MOB3B: variants seen among roughly 807,000 people sequenced by gnomAD.
MOB3B encodes the protein MOB kinase activator 3B, also known as MOB kinase activator-like 2B.
A neutral mutation model predicts 18.7 loss-of-function variants in MOB3B; 7 were observed. The ratio of observed to expected loss-of-function variants is 0.37; its 90% confidence interval spans 0.21 to 0.70. The LOEUF (loss-of-function observed/expected upper bound fraction) is 0.70. MOB3B is among the 30% of genes least tolerant of loss of function. MOB3B has a pLI of 0.52. For synonymous variants in MOB3B, 111 were observed against 99.9 expected, an observed-to-expected ratio of 1.11 and a Z score of -0.66; for missense variants, 253 against 281.3, an observed-to-expected ratio of 0.90 and a Z score of 0.72.
chr9:27,382,814 C>T (rs1821597849), intron 2 of MOB3B, among the ~76,000 whole-genome samples: 1 of 151,906 alleles, frequency 6.6e-6, no homozygotes, highest in Non-Finnish European at 1.5e-5. Context: ...TATGAAACTG[C>T]CAGTGCTTCC....
chr9:27,408,406 T>C (rs1259684975), intron 2 of MOB3B, among the ~76,000 whole-genome samples: 1 of 152,200 alleles, frequency 6.6e-6, no homozygotes, highest in East Asian at 1.9e-4. Flanking sequence ...TCTATATTTC[T>C]GCACTGAGAT....
chr9:27,331,265 A>G (rs763033260), intron 3 of MOB3B, among the ~76,000 whole-genome samples: 4 of 152,106 alleles, frequency 2.6e-5, no homozygotes, highest in Non-Finnish European at 4.4e-5. Context: ...GTTGAGTCCC[A>G]TGCCTATGGT....
At chr9:27,503,631 T>G (rs1233127751) in intron 1 of MOB3B, among the ~76,000 whole-genome samples, 1 of 152,236 alleles carries the variant, frequency 6.6e-6, no homozygotes. Context: ...CTGTAAAGTT[T>G]GGCTGTCCAG....
intron 3 of MOB3B, among the ~76,000 whole-genome samples, chr9:27,353,069 C>A (rs1358778369): frequency 6.6e-6 from 1 of 152,164 alleles, no homozygotes; most frequent in Non-Finnish European, 1.5e-5. Context: ...TACTTCCCCA[C>A]CCCACTGAGC....
chr9:27,438,737 A>C (rs546207539), intron 2 of MOB3B, among the ~76,000 whole-genome samples: 2 of 152,316 alleles, frequency 1.3e-5, no homozygotes, highest in Admixed American at 1.3e-4. Context: ...CATGAAGTCC[A>C]ATCAGCCCCG....
At chr9:27,335,246 C>T (rs148917065) in intron 3 of MOB3B, among the ~76,000 whole-genome samples, 21 of 152,356 alleles carry the variant, frequency 1.4e-4, no homozygotes, top group African/African-American at 4.1e-4. Flanking sequence ...GACATCATCA[C>T]AGAGTCATAG....
chr9:27,520,694 G>A (rs7852987), intron 1 of MOB3B, among the ~76,000 whole-genome samples: 8,707 of 152,202 alleles, frequency 0.057, 417 homozygotes, highest in African/African-American at 0.13. Flanking sequence ...ACGGGTATGT[G>A]CACATGTAAA....
In MOB3B at chr9:27,370,998, G is replaced by A. The variant is rs78906338; in HGVS notation, c.419-11762C>T. On this transcript the variant is annotated intron_variant, in intron 2 of 3. Coordinates refer to ENST00000262244, the MANE Select transcript of MOB3B (RefSeq NM_024761.5). The stretch of plus-strand genomic sequence containing the variant: ...TATCTCTTCACACCTTGCAGATCTC[G>A]GAGAGAAACGCATCTATCAGATTTT... 7.0e-3 allele frequency among the ~76,000 whole-genome samples: 1,063 copies of A among 152,292 alleles called. 18 individuals are homozygous for A. The highest frequency in any genetic ancestry group is 0.024 in the African/African-American group (997 of 41,552).
intron 3 of MOB3B, among the ~76,000 whole-genome samples, chr9:27,341,601 T>C (rs1820942173): frequency 6.6e-6 from 1 of 152,224 alleles, no homozygotes; most frequent in Admixed American, 6.5e-5. Flanking sequence ...TGCTAGAAGT[T>C]TGACTACCAC....
At chr9:27,365,644 C>T (rs1297077900) in intron 2 of MOB3B, among the ~76,000 whole-genome samples, 3 of 152,022 alleles carry the variant, frequency 2.0e-5, no homozygotes, top group African/African-American at 7.2e-5. Flanking sequence ...CAGAACATGC[C>T]CTTCTCTCTA....
intron 1 of MOB3B, among the ~76,000 whole-genome samples, chr9:27,522,242 C>CAAAAAAAAAAAAAA (rs1171362204): frequency 3.0e-4 from 17 of 56,036 alleles, no homozygotes; most frequent in East Asian, 1.8e-3. Flanking sequence ...CCCCGTCTCA[C>CAAAAAAAAAAAAAA]AAAAAAAAAA....
intron 3 of MOB3B, among the ~76,000 whole-genome samples, chr9:27,341,867 C>CT (rs1180726600): frequency 1.3e-5 from 2 of 152,164 alleles, no homozygotes; most frequent in Non-Finnish European, 2.9e-5. Context: ...GGAATCCTAT[C>CT]TTTTTTTCTA....
At chr9:27,343,832 GA>G (rs1820993189) in intron 3 of MOB3B, among the ~76,000 whole-genome samples, 1 of 151,394 alleles carries the variant, frequency 6.6e-6, no homozygotes, top group African/African-American at 2.4e-5. Flanking sequence ...CAGTTCAAGA[GA>G]AATAAAGCAA....
intron 3 of MOB3B, among the ~76,000 whole-genome samples, chr9:27,358,331 G>A (rs1485763063): frequency 6.6e-6 from 1 of 152,182 alleles, no homozygotes; most frequent in Non-Finnish European, 1.5e-5. Context: ...AAGGTGATGA[G>A]GTTTTTAGGG....
At chr9:27,483,297 T>G (rs1439282924) in intron 1 of MOB3B, among the ~76,000 whole-genome samples, 1 of 151,930 alleles carries the variant, frequency 6.6e-6, no homozygotes, top group Non-Finnish European at 1.5e-5. Context: ...CACACCTGGC[T>G]AATTTTTTGT....
chr9:27,345,675 A>G (rs1309575682), intron 3 of MOB3B, among the ~76,000 whole-genome samples: 1 of 152,192 alleles, frequency 6.6e-6, no homozygotes, highest in Non-Finnish European at 1.5e-5. Context: ...AAACTCCTTG[A>G]GGGCAGTAGT....
intron 3 of MOB3B, among the ~76,000 whole-genome samples, chr9:27,343,702 T>TTTTC (rs1205358247): frequency 2.5e-5 from 3 of 122,212 alleles, no homozygotes; most frequent in African/African-American, 8.6e-5. Context: ...ATTTTAGCCT[T>TTTTC]TTTTTTTTTT....
chr9:27,403,105 G>T (rs1241818132), intron 2 of MOB3B, among the ~76,000 whole-genome samples: 1 of 152,198 alleles, frequency 6.6e-6, no homozygotes, highest in Non-Finnish European at 1.5e-5. Flanking sequence ...ATGACCACTG[G>T]CTCTGATGAC....
At chr9:27,518,950 G>A (rs762083433) in intron 1 of MOB3B, among the ~76,000 whole-genome samples, 1 of 152,176 alleles carries the variant, frequency 6.6e-6, no homozygotes, top group Non-Finnish European at 1.5e-5. Flanking sequence ...GAAGACATAT[G>A]AATCAACCAA....
Sources: allele counts gnomAD v4.1 joint callset (sites outside exome capture counted in the v4.1 genomes callset), GRCh38; gene constraint gnomAD v4.1.1; transcripts MANE v1.5; gene names NCBI Gene and HGNC (gene_info 2026-07-23, HGNC 2026-07-21).